Variants in PLXNA3 observed in about 807,000 individuals in gnomAD.
The protein encoded by PLXNA3 is plexin A3.
A neutral mutation model predicts 118.8 loss-of-function variants in PLXNA3; 52 were observed. The observed-to-expected ratio is 0.44, with a 90% CI of 0.35 to 0.55. The LOEUF is 0.55. PLXNA3 is among the 20% of genes least tolerant of loss of function. PLXNA3 has a pLI of 0.01. For synonymous variants in PLXNA3, 925 were observed against 762.4 expected (o/e 1.21, Z -3.51); for missense variants, 1,660 against 1,730.8 (o/e 0.96, Z 0.73).
chrX:154,458,806 C>T (rs1432648195), intron 1 of PLXNA3, among the ~76,000 whole-genome samples: 1 of 112,138 alleles, frequency 8.9e-6, no homozygotes, highest in Non-Finnish European at 1.9e-5. Context: ...CTTCCTCAGG[C>T]TCTCTGCTGG....
Position 154,461,543 on chromosome X carries a change from G to T in PLXNA3, c.1039G>T (p.Ala347Ser). 1 of 1,210,369 alleles carries T rather than the reference G, an allele frequency of 8.3e-7. No homozygotes were observed. ...CCTCTTCACCCTCAGCAACATCAAT[G>T]CCCACATCCGGCGCCGCATCCAGTC... is the stretch of plus-strand genomic sequence containing the variant. ...LCLFTLSNIN[A>S]HIRRRIQSCY... The change falls in exon 3 of 33, where the codon GCC becomes TCC. Residue 347 changes from alanine to serine, a missense_variant. Physicochemically the swap from Ala to Ser is moderately conservative, Grantham distance 99. This residue lies in a region of PLXNA3 where 791 missense variants were observed against 652.1 expected (regional missense o/e 1.21). Coordinates refer to ENST00000369682, the MANE Select transcript of PLXNA3 (RefSeq NM_017514.5).
chrX:154,463,484 G>T lies in PLXNA3; in HGVS notation c.1411G>T (p.Asp471Tyr). ...PILRDLLFSP[D>Y]HRHIYLLSEK... ...CCTCCGAGACCTGCTCTTCAGCCCG[G>T]ACCACCGGCACATCTATCTCCTGAG... Residue 471 changes from aspartate (D) to tyrosine (Y), a missense_variant, in exon 5 of 33, where the codon GAC becomes TAC. Physicochemically the swap from Asp to Tyr is radical, Grantham distance 160 (BLOSUM62 -3). This residue lies in a region of PLXNA3 where 791 missense variants were observed against 652.1 expected (regional missense o/e 1.21). Coordinates refer to ENST00000369682, the MANE Select transcript of PLXNA3 (RefSeq NM_017514.5). The T allele has an allele frequency of 3.3e-6, 4 of 1,198,461 alleles. No homozygotes were observed. The highest frequency in any genetic ancestry group is 4.5e-6 in the Non-Finnish European group (4 of 889,960).
intron 26 of PLXNA3, 46 bp from the exon 27 acceptor site, chrX:154,469,333 C>G (rs1222997812): frequency 8.6e-7 from 1 of 1,167,410 alleles, no homozygotes; most frequent in Admixed American, 2.2e-5. Flanking sequence ...GGGCCAGGCA[C>G]TTGGGGGCTG....
Position 154,460,589 on chromosome X carries a change from C to A in PLXNA3, c.406C>A (p.His136Asn). 3 of 1,203,837 alleles carry A rather than the reference C, an allele frequency of 2.5e-6. No individual in the cohort carries two copies. Among genetic ancestry groups the A allele is most frequent in the Non-Finnish European group, 3.4e-6 (3 of 890,974 alleles). The change falls in exon 2 of 33, where the codon CAC becomes AAC. Residue 136 changes from histidine to asparagine, a missense_variant. Coordinates refer to ENST00000369682, the MANE Select transcript of PLXNA3 (RefSeq NM_017514.5). ...CCTCTTCAAGCTGGGTGAGCCGCACCACCGCAAGGAGCACTACCTGTCGGG... is the reference window on the plus strand; with the variant it reads ...CCTCTTCAAGCTGGGTGAGCCGCACAACCGCAAGGAGCACTACCTGTCGGG... Reference protein sequence around the residue: ...DDLFKLGEPHHRKEHYLSGAQ... With the variant: ...DDLFKLGEPHNRKEHYLSGAQ...
chrX:154,474,759 G>A lies in PLXNA3; in HGVS notation c.*2074G>A. The A allele has an allele frequency of 1.0e-5, 1 of 98,273 alleles. No homozygotes were observed. Among genetic ancestry groups the A allele is most frequent in the Non-Finnish European group, 2.0e-5 (1 of 49,726 alleles). The allele number at this position is 98,273 out of a possible 1,213,427, so 8.1% of individuals were successfully genotyped here. On this transcript the variant is annotated 3_prime_UTR_variant, in exon 33 of 33. Coordinates refer to ENST00000369682, the MANE Select transcript of PLXNA3 (RefSeq NM_017514.5). ...CCCAAAGTGCTGGGATTACAGGCGT[G>A]AGCCACCATGCCTGACCTTTTTTTT...
At chrX:154,462,013 T>C in intron 3 of PLXNA3, 115 bp from the exon 4 acceptor site, 1 of 623,325 alleles carries the variant, frequency 1.6e-6, no homozygotes, top group Non-Finnish European at 2.5e-6. Flanking sequence ...CAGTCAGTCC[T>C]GGCTGGAGGG....
Position 154,461,157 on chromosome X carries a change from T to C in PLXNA3, c.653T>C (p.Leu218Ser), listed in dbSNP as rs2068948040. The change falls in exon 3 of 33, where the codon TTG becomes TCG. Residue 218 changes from leucine (L) to serine (S), a missense_variant. Leu to Ser is a moderately radical substitution (Grantham distance 145, BLOSUM62 -2). Coordinates refer to ENST00000369682, the MANE Select transcript of PLXNA3 (RefSeq NM_017514.5). ...QIKIPSDTLS[L>S]YPAFDIYYIY... ...AAGATCCCCTCAGACACGCTGTCCT[T>C]GTACCCTGCCTTTGACATCTACTAC... 4 of 1,211,226 alleles carry C rather than the reference T, an allele frequency of 3.3e-6. No individual in the cohort carries two copies. The highest frequency in any genetic ancestry group is 4.5e-6 in the Non-Finnish European group (4 of 894,494).
chrX:154,459,160 C>A (rs1160566366), intron 1 of PLXNA3, among the ~76,000 whole-genome samples: 1 of 85,938 alleles, frequency 1.2e-5, no homozygotes, highest in Non-Finnish European at 2.0e-5. Flanking sequence ...CTGCACCACC[C>A]CCCGCTCCCC....
In PLXNA3 at chrX:154,460,629, A is replaced by G. The variant is rs782350920; in HGVS notation, c.446A>G (p.Asp149Gly). 12 of 1,182,949 alleles carry G rather than the reference A, an allele frequency of 1.0e-5. No individual in the cohort carries two copies. The highest frequency in any genetic ancestry group is 3.0e-5 in the East Asian group (1 of 33,402). The change falls in exon 2 of 33, where the codon GAC (aspartate) becomes GGC (glycine). Residue 149 changes from aspartate (D) to glycine (G), a missense_variant. Physicochemically the swap from Asp to Gly is moderately conservative, Grantham distance 94. This residue lies in a region of PLXNA3 where 791 missense variants were observed against 652.1 expected (regional missense o/e 1.21). Transcript: ENST00000369682. ...TACCTGTCGGGGGCCCAGGAGCCCG[A>G]CTCCATGGCTGGTGTCATTGTGGAG... is the stretch of plus-strand genomic sequence containing the variant. ...EHYLSGAQEP[D>G]SMAGVIVEQG...
chrX:154,467,065 C>T lies in PLXNA3; in HGVS notation c.3116C>T (p.Thr1039Ile). The change falls in exon 18 of 33, where the codon ACT becomes ATT. Residue 1039 changes from threonine to isoleucine, a missense_variant. Physicochemically the swap from Thr to Ile is moderately conservative, Grantham distance 89. Around this residue, in one of 2 missense-constraint regions of PLXNA3, gnomAD observed 869 missense variants for 1,078.7 expected, o/e 0.81. Coordinates refer to ENST00000369682, the MANE Select transcript of PLXNA3 (RefSeq NM_017514.5). ...CCCTGCCCTGTCCCTAGTGGAAGCACTGCCATCACTGTGAGTGGGACCCAC... is the reference window on the plus strand; with the variant it reads ...CCCTGCCCTGTCCCTAGTGGAAGCATTGCCATCACTGTGAGTGGGACCCAC... ...EPTWSIINGS[T>I]AITVSGTHLL... is the part of the protein sequence containing the mutation. The T allele has an allele frequency of 8.3e-7, 1 of 1,208,183 alleles. No individual in the cohort carries two copies. Among genetic ancestry groups the T allele is most frequent in the Non-Finnish European group, 1.1e-6 (1 of 892,857 alleles).
rs781801174 is a variant in PLXNA3 at position 154,466,243 on chromosome X, G to C, written c.2772G>C (p.Thr924=). The C allele has an allele frequency of 1.7e-6, 2 of 1,208,788 alleles. No homozygotes were observed. Among genetic ancestry groups the C allele is most frequent in the East Asian group, 5.9e-5 (2 of 33,830 alleles). ...CVGDCSADFR[T]QSEQVYSFVT... is the part of the protein sequence containing the mutation. ...GTGACTGTTCAGCCGACTTCCGCAC[G>C]CAGTCGGAGCAGGTCTACAGCTTTG... Residue 924 remains threonine, a synonymous_variant, in exon 15 of 33, where the codon ACG becomes ACC. Coordinates refer to ENST00000369682, the MANE Select transcript of PLXNA3 (RefSeq NM_017514.5).
rs1557209518 is a variant in PLXNA3 at position 154,471,529 on chromosome X, A to G, written c.5411A>G (p.Gln1804Arg). 1 of 1,207,351 alleles carries G rather than the reference A, an allele frequency of 8.3e-7. No individual in the cohort carries two copies. The change falls in exon 32 of 33, where the codon CAG (glutamine) becomes CGG (arginine). Residue 1804 changes from glutamine (Q) to arginine (R), a missense_variant. Transcript: ENST00000369682. ...DIAKMASISD[Q>R]DMDAYLVEQS... is the part of the protein sequence containing the mutation. The stretch of plus-strand genomic sequence containing the variant: ...GCAAAGATGGCATCCATCAGCGACC[A>G]GGACATGGATGCCTACCTGGTGGAG...
At position 154,464,743 on chromosome X, in the gene PLXNA3, T is replaced by A. The variant is rs1557206340; in HGVS notation, c.1929-11T>A. The A allele has an allele frequency of 9.0e-7, 1 of 1,114,751 alleles. No homozygotes were observed. Among genetic ancestry groups the A allele is most frequent in the South Asian group, 2.0e-5 (1 of 49,297 alleles). The allele number at this position is 1,114,751 out of a possible 1,213,427, so 91.9% of individuals were successfully genotyped here. A position where few individuals can be genotyped will look rare whatever the true frequency, so the allele number is the denominator to read the frequency against. ...CCTCCTCTGTTATTTCTGAAGCCAC[T>A]TCCCCCCCAGGTGCATGTCCTGTGT... On this transcript the variant is annotated splice_polypyrimidine_tract_variant and intron_variant, in intron 9 of 32. Transcript: ENST00000369682.
At chrX:154,470,351 C>T (rs1349071713) in intron 29 of PLXNA3, 91 bp from the exon 30 acceptor site, 10 of 1,025,237 alleles carry the variant, frequency 9.8e-6, no homozygotes, top group Non-Finnish European at 1.2e-5. Context: ...AAGCCCCTCT[C>T]TTTGCCAAGC....
intron 26 of PLXNA3, 34 bp downstream of exon 26, chrX:154,469,249 T>G: frequency 8.4e-7 from 1 of 1,194,374 alleles, no homozygotes; most frequent in Non-Finnish European, 1.1e-6. Flanking sequence ...TGGCTCCCAC[T>G]CATACCCTCC....
intron 1 of PLXNA3, among the ~76,000 whole-genome samples, chrX:154,459,019 C>G (rs1354481545): frequency 8.9e-6 from 1 of 111,811 alleles, no homozygotes; most frequent in Non-Finnish European, 1.9e-5. Flanking sequence ...AGGGGTCCAG[C>G]TGACAAAAGA....
rs199852866 is a variant in PLXNA3 at position 154,466,191 on chromosome X, C to T, written c.2720C>T (p.Pro907Leu). 8.4e-5 allele frequency: 102 copies of T among 1,208,685 alleles called. 1 individual carries two copies. In the East Asian group the frequency reaches 2.4e-3, roughly 28 times the overall value. ...EMEESLVPSP[P>L]PGPVELCVGD... is the part of the protein sequence containing the mutation. ...GAGGAGTCGCTGGTGCCCAGCCCGC[C>T]GCCGGGGCCCGTGGAGCTGTGTGTG... The change falls in exon 15 of 33, where the codon CCG becomes CTG. Residue 907 changes from proline to leucine, a missense_variant. Physicochemically the swap from Pro to Leu is moderately conservative, Grantham distance 98 (BLOSUM62 -3). Transcript: ENST00000369682.
At chrX:154,462,520 C>G (rs2068992433) in intron 4 of PLXNA3, among the ~76,000 whole-genome samples, 1 of 112,459 alleles carries the variant, frequency 8.9e-6, no homozygotes, top group Admixed American at 9.3e-5. Flanking sequence ...CCAGTTCCCA[C>G]TGTGGACTGA....
Position 154,477,714 on chromosome X carries a change from A to T in PLXNA3, c.*5029A>T. On this transcript the variant is annotated 3_prime_UTR_variant, in exon 33 of 33. Coordinates refer to ENST00000369682, the MANE Select transcript of PLXNA3 (RefSeq NM_017514.5). ...TGAATTCTAGAACCCCCCCCCCAGC[A>T]ACCCAAGCACAACAAGAATATTGGG... 3.5e-6 allele frequency: 1 copy of T among 289,295 alleles called. No individual in the cohort carries two copies. Among genetic ancestry groups the T allele is most frequent in the Non-Finnish European group, 6.0e-6 (1 of 166,766 alleles). The allele number at this position is 289,295 out of a possible 1,213,427, so 23.8% of individuals were successfully genotyped here.
Sources: gnomAD v4.1 joint callset for allele counts (sites outside exome capture counted in the v4.1 genomes callset) on GRCh38, gnomAD v4.1.1 for gene constraint, gnomAD v4.1.1 regional missense constraint, MANE v1.5 for transcripts, NCBI Gene and HGNC (gene_info 2026-07-23, HGNC 2026-07-21) for gene names.